COMMD7: variants seen among roughly 807,000 people sequenced by gnomAD.
COMMD7 encodes COMM domain containing 7, also known as COMM domain-containing protein 7.
A neutral mutation model predicts 34.8 loss-of-function variants in COMMD7; 28 were observed. That is an observed-to-expected ratio of 0.80 (90% CI 0.60 to 1.10). The LOEUF is 1.10. Ranked by LOEUF, COMMD7 falls within the 50% of genes least tolerant of loss-of-function variation. COMMD7 has a pLI of 0.00. For synonymous variants in COMMD7, 80 were observed against 86.4 expected (o/e 0.93, Z 0.41); for missense variants, 211 against 241.6 (o/e 0.87, Z 0.84).
At chr20:32,738,433 A>G (rs1445740891) in intron 1 of COMMD7, among the ~76,000 whole-genome samples, 1 of 152,128 alleles carries the variant, frequency 6.6e-6, no homozygotes, top group African/African-American at 2.4e-5. Context: ...TTAAGAATAC[A>G]AACATGAGCC....
Position 32,728,078 on chromosome 20 carries a change from G to A in COMMD7, c.138+11C>T. The A allele has an allele frequency of 6.2e-7, 1 of 1,613,824 alleles. No homozygotes were observed. The highest frequency in any genetic ancestry group is 8.5e-7 in the Non-Finnish European group (1 of 1,179,816). ...ACGGACCCACTCCCTAACACAGAAT[G>A]TTTTATTTACCTCTTTTGGCTCAGT... On this transcript the variant is annotated intron_variant, in intron 2 of 8. Transcript: ENST00000278980.
At chr20:32,704,384 T>C in intron 7 of COMMD7, 56 bp downstream of exon 7, 5 of 1,517,854 alleles carry the variant, frequency 3.3e-6, no homozygotes, top group Non-Finnish European at 4.5e-6. Context: ...AATGTAGATA[T>C]AATTTTTAAC....
Position 32,727,948 on chromosome 20 carries a change from C to A in COMMD7, c.186G>T (p.Gln62His), listed in dbSNP as rs770232966. The A allele has an allele frequency of 6.2e-7, 1 of 1,614,142 alleles. No homozygotes were observed. The highest frequency in any genetic ancestry group is 8.5e-7 in the Non-Finnish European group (1 of 1,180,026). Reference protein sequence around the residue: ...AQLSEFATTNQISLGSLRSIV... With the variant: ...AQLSEFATTNHISLGSLRSIV... ...TGCTTCTGAGGGAGCCAAGACTGAT[C>A]TGATTGGTGGTGGCAAATTCAGAGA... Residue 62 changes from glutamine to histidine, a missense_variant, in exon 3 of 9, where the codon CAG becomes CAT. Transcript: ENST00000278980.
At chr20:32,711,311 C>G (rs932195893) in intron 3 of COMMD7, among the ~76,000 whole-genome samples, 37 of 150,632 alleles carry the variant, frequency 2.5e-4, no homozygotes, top group Non-Finnish European at 1.6e-4. Context: ...GTAGGAGAAT[C>G]GCTTAAACCT....
rs1335285385 is a variant in COMMD7, at chr20:32,702,735, C to CG, written c.*646_*647insC. 6.6e-6 allele frequency: 1 copy of CG among 152,254 alleles called. No individual in the cohort carries two copies. Among genetic ancestry groups the CG allele is most frequent in the African/African-American group, 2.4e-5 (1 of 41,458 alleles). 9.4% of individuals were successfully genotyped at this position (152,254 alleles called of 1,614,324 possible). ...ACCTTTTTATTCATCATCTAACCAACAGAGGTGGTTGGCTCGAACTCAAAC... is the reference window on the plus strand; with the variant it reads ...ACCTTTTTATTCATCATCTAACCAACGAGAGGTGGTTGGCTCGAACTCAAAC... On this transcript the variant is annotated 3_prime_UTR_variant, in exon 9 of 9. Coordinates refer to ENST00000278980, the MANE Select transcript of COMMD7 (RefSeq NM_053041.3).
At chr20:32,705,594 C>T (rs28588662) in intron 5 of COMMD7, among the ~76,000 whole-genome samples, 16,869 of 151,870 alleles carry the variant, frequency 0.11, 1,336 homozygotes, top group East Asian at 0.29. Context: ...AGGATGATCT[C>T]GATCTCCTGA....
Position 32,703,272 on chromosome 20 carries a change from G to C in COMMD7, c.*110C>G. 1.1e-6 allele frequency: 1 copy of C among 938,040 alleles called. No homozygotes were observed. The highest frequency in any genetic ancestry group is 3.0e-4 in the Middle Eastern group (1 of 3,300). The allele number at this position is 938,040 out of a possible 1,614,324, so 58.1% of individuals were successfully genotyped here. ...GCACCTGGGCCCCATGGAGCCAGCA[G>C]GGCCCCATGGAGCATCCCACAGGCC... is the stretch of plus-strand genomic sequence containing the variant. On this transcript the variant is annotated 3_prime_UTR_variant, in exon 9 of 9. Coordinates refer to ENST00000278980, the MANE Select transcript of COMMD7 (RefSeq NM_053041.3).
rs1387669938 is a variant in COMMD7, at chr20:32,737,379, A to AAAAAAAAAAAAAAAAAAAAAG, written c.84+5928_84+5929insCTTTTTTTTTTTTTTTTTTTT. 1.1e-4 allele frequency among the ~76,000 whole-genome samples: 11 copies of AAAAAAAAAAAAAAAAAAAAAG among 101,630 alleles called. 2 individuals are homozygous for AAAAAAAAAAAAAAAAAAAAAG. Among genetic ancestry groups the AAAAAAAAAAAAAAAAAAAAAG allele is most frequent in the Admixed American group, 2.1e-4 (2 of 9,658 alleles). The allele number at this position is 101,630 out of a possible 152,430, so 66.7% of individuals were successfully genotyped here. ...AGCAAGACTCCGTCTCAAAAAAAAA[A>AAAAAAAAAAAAAAAAAAAAAG]GATAAGCCAGGCACGGTGGTACATG... On this transcript the variant is annotated intron_variant, in intron 1 of 8. Transcript: ENST00000278980.
rs890763938 is a variant in COMMD7 at position 32,739,417 on chromosome 20, G to A, written c.84+3891C>T. 9.9e-5 allele frequency among the ~76,000 whole-genome samples: 15 copies of A among 152,002 alleles called. No homozygotes were observed. The East Asian group carries it at 2.5e-3, about 25-fold the overall frequency. On this transcript the variant is annotated intron_variant, in intron 1 of 8. Transcript: ENST00000278980. ...TCCCAGCACTTTGGGAGGCTGAGGC[G>A]GGCGGATCACGAGGTCAGGAGATAA...
At chr20:32,703,866 G>A (rs772602459) in intron 8 of COMMD7, 157 bp downstream of exon 8, 1 of 1,549,138 alleles carries the variant, frequency 6.5e-7, no homozygotes, top group South Asian at 1.2e-5. Context: ...AACACTCCTT[G>A]TGCCATCTTT....
At chr20:32,742,456 G>A (rs901527625) in intron 1 of COMMD7, 2 of 151,978 alleles carry the variant, frequency 1.3e-5, no homozygotes, top group Non-Finnish European at 2.9e-5. Context: ...CCCAGTGGGG[G>A]TGAGAAGTGT....
intron 1 of COMMD7, among the ~76,000 whole-genome samples, chr20:32,741,275 A>C (rs1053313425): frequency 6.6e-6 from 1 of 151,240 alleles, no homozygotes; most frequent in East Asian, 2.0e-4. Flanking sequence ...GGCTATTCAC[A>C]GGTGGAATCA....
intron 1 of COMMD7, among the ~76,000 whole-genome samples, chr20:32,740,513 T>C (rs1986381661): frequency 1.4e-5 from 2 of 138,640 alleles, no homozygotes; most frequent in African/African-American, 5.4e-5. Context: ...AAAATGATGG[T>C]CCCATAACAT....
At chr20:32,706,522 A>AT in intron 5 of COMMD7, 61 bp downstream of exon 5, 3 of 1,421,058 alleles carry the variant, frequency 2.1e-6, no homozygotes, top group Non-Finnish European at 1.9e-6. Flanking sequence ...CAAAAAAAAA[A>AT]AAAAGAAAGA....
At chr20:32,717,709 C>T (rs145123778) in intron 3 of COMMD7, among the ~76,000 whole-genome samples, 2 of 151,902 alleles carry the variant, frequency 1.3e-5, no homozygotes, top group Non-Finnish European at 2.9e-5. Flanking sequence ...AGATTCTCCC[C>T]CTTTGACTTC....
At chr20:32,703,550 CT>C (rs1568768908) in intron 8 of COMMD7, 92 bp from the exon 9 acceptor site, 1 of 1,503,512 alleles carries the variant, frequency 6.7e-7, no homozygotes, top group Non-Finnish European at 8.8e-7. Flanking sequence ...TTTTTTTTTT[CT>C]TTTTTGGCTT....
chr20:32,718,390 C>T (rs1267068287), intron 3 of COMMD7, among the ~76,000 whole-genome samples: 32 of 139,174 alleles, frequency 2.3e-4, no homozygotes, highest in African/African-American at 7.9e-4. Context: ...GGCTACAGAG[C>T]GAAACTCCAT....
At position 32,706,739 on chromosome 20, in the gene COMMD7, G is replaced by A; in HGVS notation, c.263C>T (p.Thr88Ile). ...VPNGALKKSL[T>I]AKQVQADFIT... The stretch of plus-strand genomic sequence containing the variant: ...GAAATCCGCCTGGACCTGCTTGGCT[G>A]TGAGACTCTTCTTCAAAGCACCTGG... The change falls in exon 4 of 9, where the codon ACA (threonine) becomes ATA (isoleucine). Residue 88 changes from threonine to isoleucine, a missense_variant. Coordinates refer to ENST00000278980, the MANE Select transcript of COMMD7 (RefSeq NM_053041.3). 2 of 1,613,868 alleles carry A rather than the reference G, an allele frequency of 1.2e-6. No individual in the cohort carries two copies. The highest frequency in any genetic ancestry group is 1.7e-6 in the Non-Finnish European group (2 of 1,179,958).
At chr20:32,707,293 A>T (rs1568772648) in intron 3 of COMMD7, among the ~76,000 whole-genome samples, 1 of 134,340 alleles carries the variant, frequency 7.4e-6, no homozygotes, top group Non-Finnish European at 1.6e-5. Context: ...CAAAAAAAAA[A>T]AATATATATA....
Sources: gnomAD v4.1 joint callset for allele counts (sites outside exome capture counted in the v4.1 genomes callset) on GRCh38, gnomAD v4.1.1 for gene constraint, MANE v1.5 for transcripts, NCBI Gene and HGNC (gene_info 2026-07-23, HGNC 2026-07-21) for gene names.